SPAG6: variants seen among roughly 807,000 people sequenced by gnomAD.
SPAG6 encodes the protein sperm associated antigen 6, also known as sperm-associated antigen 6.
In SPAG6, 49 loss-of-function variants were observed where a neutral mutation model predicts 58.5. The observed-to-expected ratio is 0.84, with a 90% CI of 0.67 to 1.06. The LOEUF is 1.06. Among genes scored for constraint, SPAG6 ranks in the 50% least tolerant of loss-of-function variants. SPAG6 has a pLI of 0.00. For missense variants in SPAG6, 560 were observed against 611.3 expected (o/e 0.92, Z 0.89); for synonymous variants, 233 against 225.6 (o/e 1.03, Z -0.29).
intron 10 of SPAG6, chr10:22,413,078 A>AAAAAAAAAAAAAAAAAAAAAT (rs1834780701): frequency 6.7e-6 from 1 of 150,354 alleles, no homozygotes; most frequent in Non-Finnish European, 1.5e-5. Context: ...AAAAAAAAAA[A>AAAAAAAAAAAAAAAAAAAAAT]AAAAAAAAAA....
intron 9 of SPAG6, among the ~76,000 whole-genome samples, chr10:22,407,023 A>G (rs1183378425): frequency 2.6e-5 from 4 of 151,982 alleles, no homozygotes; most frequent in African/African-American, 9.7e-5. Flanking sequence ...TTTTGAGCCT[A>G]TGTGTGTCTC....
chr10:22,381,279 A>G lies in SPAG6; in HGVS notation c.473-5475A>G, dbSNP rs559767936. ...GGGTGGTTCAGGCCGTAGCAGGCCC[A>G]CAGAGGGGTGTGTTTTATTTGGCCA... is the stretch of plus-strand genomic sequence containing the variant. On this transcript the variant is annotated intron_variant, in intron 4 of 10. Transcript: ENST00000376624. Among the ~76,000 whole-genome samples, 3 of 151,854 alleles carry G rather than the reference A, an allele frequency of 2.0e-5. No individual in the cohort carries two copies. In the South Asian group the frequency reaches 6.2e-4, roughly 32 times the overall value.
intron 8 of SPAG6, among the ~76,000 whole-genome samples, chr10:22,399,729 G>C (rs1476611960): frequency 2.0e-5 from 3 of 152,118 alleles, no homozygotes. Flanking sequence ...CATCAACTTA[G>C]AACTACTAGA....
chr10:22,398,166 A>G (rs952562716), intron 8 of SPAG6, among the ~76,000 whole-genome samples: 3 of 152,232 alleles, frequency 2.0e-5, no homozygotes, highest in African/African-American at 7.2e-5. Context: ...TAGTCTTTTC[A>G]ACAAAGGTGA....
chr10:22,403,406 T>C (rs1834465425), intron 9 of SPAG6, among the ~76,000 whole-genome samples: 2 of 152,240 alleles, frequency 1.3e-5, no homozygotes, highest in South Asian at 4.2e-4. Context: ...GTTCTTGCGA[T>C]AGTTTACTGA....
intron 9 of SPAG6, among the ~76,000 whole-genome samples, chr10:22,407,060 T>C (rs531830372): frequency 3.6e-3 from 554 of 152,134 alleles, no homozygotes; most frequent in Non-Finnish European, 6.5e-3. Context: ...TTCCTGAATA[T>C]AGCACACTGA....
At chr10:22,363,869 A>T (rs1837116138) in intron 2 of SPAG6, among the ~76,000 whole-genome samples, 1 of 152,262 alleles carries the variant, frequency 6.6e-6, no homozygotes, top group Non-Finnish European at 1.5e-5. Flanking sequence ...TGTAAATTAA[A>T]GTGTAGAAAG....
chr10:22,407,795 CT>C (rs1289261426), intron 9 of SPAG6, among the ~76,000 whole-genome samples: 2 of 152,002 alleles, frequency 1.3e-5, no homozygotes, highest in Non-Finnish European at 2.9e-5. Flanking sequence ...TAGATTTGGT[CT>C]TTTCACATAG....
chr10:22,345,997 T>A lies in SPAG6; in HGVS notation c.121+179T>A. ...AGGCCGAGAGGGTGAAGCTTCCAGATGGTTGTGGGAGGTGCGCGTTGTCCC... is the reference window on the plus strand; with the variant it reads ...AGGCCGAGAGGGTGAAGCTTCCAGAAGGTTGTGGGAGGTGCGCGTTGTCCC... On this transcript the variant is annotated intron_variant, in intron 2 of 10. Coordinates refer to ENST00000376624, the MANE Select transcript of SPAG6 (RefSeq NM_012443.4). The surrounding 1 kb of genome is among the most constrained non-coding windows in gnomAD (Gnocchi z 6.3). 6.5e-7 allele frequency: 1 copy of A among 1,548,112 alleles called. No homozygotes were observed. The highest frequency in any genetic ancestry group is 8.7e-7 in the Non-Finnish European group (1 of 1,145,848).
At chr10:22,386,494 AAAG>A (rs2132080068) in intron 4 of SPAG6, among the ~76,000 whole-genome samples, 1 of 152,214 alleles carries the variant, frequency 6.6e-6, no homozygotes, top group East Asian at 1.9e-4. Flanking sequence ...AAAAAAAAAA[AAAG>A]AATAACAAGC....
At position 22,412,148 on chromosome 10, in the gene SPAG6, C is replaced by T. The variant is rs116516499; in HGVS notation, c.1460+972C>T. On this transcript the variant is annotated intron_variant, in intron 10 of 10. Transcript: ENST00000376624. ...ACAGGCGTGAGCCACCGCGACCGCCCGGCCAAACAACTGAATCTTTAAAAA... is the reference window on the plus strand; with the variant it reads ...ACAGGCGTGAGCCACCGCGACCGCCTGGCCAAACAACTGAATCTTTAAAAA... 4.8e-3 allele frequency among the ~76,000 whole-genome samples: 726 copies of T among 152,180 alleles called. 5 individuals carry two copies. The highest frequency in any genetic ancestry group is 0.017 in the African/African-American group (700 of 41,532).
Position 22,345,842 on chromosome 10 carries a change from G to A in SPAG6, c.121+24G>A, listed in dbSNP as rs772560734. 6.2e-7 allele frequency: 1 copy of A among 1,604,026 alleles called. No homozygotes were observed. ...GGGTGAGCCCGGAGCCCGAACCCCCGTCGCCCCCCGCGCACTGAGTCCCCG... is the reference window on the plus strand; with the variant it reads ...GGGTGAGCCCGGAGCCCGAACCCCCATCGCCCCCCGCGCACTGAGTCCCCG... On this transcript the variant is annotated intron_variant, in intron 2 of 10. Transcript: ENST00000376624. The surrounding 1 kb of genome is among the most constrained non-coding windows in gnomAD (Gnocchi z 6.3).
At chr10:22,396,018 G>A (rs2132094910) in intron 8 of SPAG6, among the ~76,000 whole-genome samples, 1 of 152,290 alleles carries the variant, frequency 6.6e-6, no homozygotes, top group African/African-American at 2.4e-5. Context: ...TGCTGTACAG[G>A]AAGCATGGCT....
intron 9 of SPAG6, among the ~76,000 whole-genome samples, chr10:22,409,048 C>A (rs1398434473): frequency 2.0e-5 from 3 of 152,202 alleles, no homozygotes; most frequent in Non-Finnish European, 4.4e-5. Flanking sequence ...TGAGATGAAC[C>A]TGGTACCTCA....
intron 7 of SPAG6, 113 bp downstream of exon 7, chr10:22,389,425 C>A (rs1404642652): frequency 1.8e-6 from 2 of 1,098,290 alleles, no homozygotes; most frequent in South Asian, 1.7e-5. Context: ...AAAAAAATTA[C>A]CTGAAAAAAA....
intron 3 of SPAG6, among the ~76,000 whole-genome samples, chr10:22,366,205 T>C (rs1297749115): frequency 6.6e-6 from 1 of 152,160 alleles, no homozygotes; most frequent in Non-Finnish European, 1.5e-5. Flanking sequence ...ATGTTGTGTA[T>C]CCATACAATG....
chr10:22,405,978 G>A (rs1243586328), intron 9 of SPAG6, among the ~76,000 whole-genome samples: 1 of 152,108 alleles, frequency 6.6e-6, no homozygotes, highest in Admixed American at 6.5e-5. Flanking sequence ...GGGATCGGTG[G>A]TGATATCCCC....
intron 4 of SPAG6, among the ~76,000 whole-genome samples, chr10:22,386,086 A>T (rs1834057234): frequency 6.6e-6 from 1 of 152,208 alleles, no homozygotes; most frequent in African/African-American, 2.4e-5. Flanking sequence ...TGTTCAAAAG[A>T]TATGTACTTG....
rs551175539 is a variant in SPAG6, at chr10:22,384,173, A to G, written c.473-2581A>G. ...GCATATTGGTGATTTCTTCCATTAT[A>G]GTTGCAAGATGGATGTAGGAGTTCC... On this transcript the variant is annotated intron_variant, in intron 4 of 10. Coordinates refer to ENST00000376624, the MANE Select transcript of SPAG6 (RefSeq NM_012443.4). Among the ~76,000 whole-genome samples, 6 of 152,330 alleles carry G rather than the reference A, an allele frequency of 3.9e-5. No homozygotes were observed. The East Asian group carries it at 1.2e-3, about 29-fold the overall frequency.
Sources: allele counts gnomAD v4.1 joint callset (sites outside exome capture counted in the v4.1 genomes callset), GRCh38; gene constraint gnomAD v4.1.1; non-coding constraint Gnocchi (gnomAD v3.1); transcripts MANE v1.5; gene names NCBI Gene and HGNC (gene_info 2026-07-23, HGNC 2026-07-21).